Variants in ASCC3 observed in about 807,000 individuals in gnomAD.
The protein encoded by ASCC3 is activating signal cointegrator 1 complex subunit 3.
In ASCC3, 158 loss-of-function variants were observed where a neutral mutation model predicts 256.3. The observed-to-expected ratio is 0.62, with a 90% confidence interval of 0.54 to 0.70. ASCC3 has a LOEUF of 0.70. ASCC3 is among the 30% of genes least tolerant of loss of function. ASCC3 has a pLI of 0.00. For missense variants in ASCC3, 2,259 were observed against 2,626.0 expected (o/e 0.86, Z 3.05); for synonymous variants, 948 against 883.4 (o/e 1.07, Z -1.30).
intron 24 of ASCC3, among the ~76,000 whole-genome samples, chr6:100,639,725 T>C (rs1014568572): frequency 1.3e-5 from 2 of 152,192 alleles, no homozygotes; most frequent in Non-Finnish European, 2.9e-5. Flanking sequence ...AAAATTATCC[T>C]TTCCCCACTG....
At chr6:100,760,384 C>T (rs1003740528) in intron 10 of ASCC3, among the ~76,000 whole-genome samples, 2 of 152,128 alleles carry the variant, frequency 1.3e-5, no homozygotes, top group Non-Finnish European at 2.9e-5. Flanking sequence ...TTAGCAAAGG[C>T]CTTTTCTGCA....
intron 8 of ASCC3, among the ~76,000 whole-genome samples, chr6:100,769,088 G>A (rs1562283677): frequency 6.6e-6 from 1 of 152,012 alleles, no homozygotes; most frequent in Non-Finnish European, 1.5e-5. Context: ...CCAATACTTA[G>A]GGGAAATTTT....
At chr6:100,532,366 G>GTA (rs1774930280) in intron 37 of ASCC3, among the ~76,000 whole-genome samples, 1 of 125,706 alleles carries the variant, frequency 8.0e-6, no homozygotes, top group South Asian at 2.5e-4. Context: ...GTGTGTGTGT[G>GTA]TGTGTATGTG....
Position 100,805,487 on chromosome 6 carries a change from C to T in ASCC3, c.922+273G>A, listed in dbSNP as rs147309779. Among the ~76,000 whole-genome samples, 123 of 152,204 alleles carry T rather than the reference C, an allele frequency of 8.1e-4. 1 individual carries two copies. The highest frequency in any genetic ancestry group is 5.6e-3 in the East Asian group (29 of 5,182). On this transcript the variant is annotated intron_variant, in intron 5 of 41. Coordinates refer to ENST00000369162, the MANE Select transcript of ASCC3 (RefSeq NM_006828.4). ...AATATACTCATGCAACAAACCTGCA[C>T]GTGTACCTCCTATATGCAAAATAAA...
At chr6:100,858,679 T>C in intron 3 of ASCC3, 1 of 1,008,048 alleles carries the variant, frequency 9.9e-7, no homozygotes, top group South Asian at 4.1e-5. Flanking sequence ...TTTCTTTTGC[T>C]GACACATTTG....
At chr6:100,601,559 TCAATTA>T (rs1772614717) in intron 34 of ASCC3, among the ~76,000 whole-genome samples, 1 of 152,096 alleles carries the variant, frequency 6.6e-6, no homozygotes, top group Non-Finnish European at 1.5e-5. Context: ...ATCTCATGTC[TCAATTA>T]CAGAGCAAAC....
intron 37 of ASCC3, among the ~76,000 whole-genome samples, chr6:100,535,958 C>A (rs556031093): frequency 6.6e-6 from 1 of 151,924 alleles, no homozygotes; most frequent in African/African-American, 2.4e-5. Flanking sequence ...TATAGTGTAG[C>A]CATTAGAAAT....
chr6:100,651,230 C>G (rs897661189), intron 19 of ASCC3, among the ~76,000 whole-genome samples: 8 of 151,810 alleles, frequency 5.3e-5, no homozygotes, highest in Non-Finnish European at 8.9e-5. Context: ...ATACTCATAT[C>G]TAAGGTTTGA....
intron 30 of ASCC3, among the ~76,000 whole-genome samples, chr6:100,615,722 A>G (rs1244410596): frequency 6.6e-6 from 1 of 152,220 alleles, no homozygotes; most frequent in East Asian, 1.9e-4. Context: ...AGGCAAAATA[A>G]AATAAAACAG....
intron 8 of ASCC3, among the ~76,000 whole-genome samples, chr6:100,780,285 C>T (rs1782382420): frequency 6.6e-6 from 1 of 152,130 alleles, no homozygotes; most frequent in Non-Finnish European, 1.5e-5. Context: ...AACAGTGCAG[C>T]TCTGGAGAGT....
Position 100,636,798 on chromosome 6 carries a change from A to G in ASCC3, c.4122+1803T>C, listed in dbSNP as rs1173953510. On this transcript the variant is annotated intron_variant, in intron 25 of 41. Transcript: ENST00000369162. ...TAGACAGAAGATCAAATCAACCACGATATTTCCATAACCTAAAGCCTACTC... is the reference window on the plus strand; with the variant it reads ...TAGACAGAAGATCAAATCAACCACGGTATTTCCATAACCTAAAGCCTACTC... Among the ~76,000 whole-genome samples the G allele has an allele frequency of 2.6e-5, 4 of 152,192 alleles. No individual in the cohort carries two copies. The South Asian group carries it at 8.3e-4, about 32-fold the overall frequency.
rs754662150 is a variant in ASCC3 at position 100,652,746 on chromosome 6, A to G, written c.2967T>C (p.Tyr989=). ...ATACCTCAATGGTGTTGTATTTAAT[A>G]TAGTAATGGCTGGCAGTTCTACCCA... ...TDLGRTASHY[Y]IKYNTIETFN... The change falls in exon 18 of 42, where the codon TAT becomes TAC. Residue 989 remains tyrosine, a synonymous_variant. Transcript: ENST00000369162. 6 of 1,613,854 alleles carry G rather than the reference A, an allele frequency of 3.7e-6. No homozygotes were observed. In the South Asian group the frequency reaches 5.5e-5, roughly 15 times the overall value.
chr6:100,869,267 C>T (rs1327271582), intron 1 of ASCC3, among the ~76,000 whole-genome samples: 1 of 152,090 alleles, frequency 6.6e-6, no homozygotes, highest in Non-Finnish European at 1.5e-5. Context: ...AAATGTCCAA[C>T]GTGGGAAGGA....
At chr6:100,857,055 T>C (rs964064197) in intron 3 of ASCC3, 5 of 152,146 alleles carry the variant, frequency 3.3e-5, no homozygotes, top group Non-Finnish European at 5.9e-5. Flanking sequence ...CTAGCAGCAG[T>C]AGACAAAAAT....
At chr6:100,805,226 C>CAGCT (rs1340003521) in intron 5 of ASCC3, among the ~76,000 whole-genome samples, 1 of 152,038 alleles carries the variant, frequency 6.6e-6, no homozygotes, top group Non-Finnish European at 1.5e-5. Context: ...AATATGAATG[C>CAGCT]AGCTGGAGGC....
Position 100,859,025 on chromosome 6 carries a change from G to A in ASCC3, c.241+5039C>T, listed in dbSNP as rs191764453. 1.7e-5 allele frequency: 12 copies of A among 720,960 alleles called. No homozygotes were observed. The East Asian group carries it at 3.2e-4, about 19-fold the overall frequency. 44.7% of individuals were successfully genotyped at this position (720,960 alleles called of 1,614,324 possible). ...GCATATAGATTTCTTTGTACTTAAG[G>A]TTTTTAATTACAGATTAAATTCCTT... is the stretch of plus-strand genomic sequence containing the variant. On this transcript the variant is annotated intron_variant, in intron 3 of 41. Coordinates refer to ENST00000369162, the MANE Select transcript of ASCC3 (RefSeq NM_006828.4).
At chr6:100,813,491 A>T (rs1243607932) in intron 4 of ASCC3, among the ~76,000 whole-genome samples, 1 of 151,956 alleles carries the variant, frequency 6.6e-6, no homozygotes, top group East Asian at 1.9e-4. Context: ...AAACACAAAA[A>T]ACCTAAGAGA....
At chr6:100,837,003 T>A (rs1202735584) in intron 4 of ASCC3, among the ~76,000 whole-genome samples, 4 of 151,962 alleles carry the variant, frequency 2.6e-5, no homozygotes, top group Non-Finnish European at 5.9e-5. Flanking sequence ...TCCAGAATAA[T>A]AAGGAAATTA....
chr6:100,744,174 C>T (rs182508080), intron 10 of ASCC3, among the ~76,000 whole-genome samples: 38 of 152,226 alleles, frequency 2.5e-4, no homozygotes, highest in Admixed American at 1.8e-3. Flanking sequence ...AAATCTACAC[C>T]GTGTATCATT....
Sources: gnomAD v4.1 joint callset for allele counts (sites outside exome capture counted in the v4.1 genomes callset) on GRCh38, gnomAD v4.1.1 for gene constraint, MANE v1.5 for transcripts, NCBI Gene and HGNC (gene_info 2026-07-23, HGNC 2026-07-21) for gene names.